GALNT17: variants seen among roughly 807,000 people sequenced by gnomAD.
GALNT17 encodes the protein UDP-GalNAc:polypeptide N-acetylgalactosaminyltransferase-like 3.
In GALNT17, 29 loss-of-function variants were observed where a neutral mutation model predicts 63.7. That is an observed-to-expected ratio of 0.46 (90% confidence interval 0.34 to 0.62). The LOEUF is 0.62. GALNT17 is among the 20% of genes least tolerant of loss of function. The pLI is 0.01. For synonymous variants in GALNT17, 305 were observed against 318.3 expected (o/e 0.96, Z 0.45); for missense variants, 603 against 799.6 (o/e 0.75, Z 2.97).
intron 1 of GALNT17, among the ~76,000 whole-genome samples, chr7:71,267,262 G>A (rs531595633): frequency 4.6e-5 from 7 of 152,190 alleles, no homozygotes; most frequent in African/African-American, 1.2e-4. Flanking sequence ...TGCGAGCTGC[G>A]CAATTGGCTA....
chr7:71,655,474 C>T (rs1457293893), intron 6 of GALNT17, among the ~76,000 whole-genome samples: 1 of 152,182 alleles, frequency 6.6e-6, no homozygotes, highest in Non-Finnish European at 1.5e-5. Context: ...GGGTAGGCAG[C>T]CTCTGCGGTC....
intron 5 of GALNT17, among the ~76,000 whole-genome samples, chr7:71,554,720 C>T (rs1009906232): frequency 6.6e-6 from 1 of 152,148 alleles, no homozygotes; most frequent in Non-Finnish European, 1.5e-5. Flanking sequence ...CATCCTCAAA[C>T]CCATTTGCAG....
At chr7:71,307,064 T>G (rs1791316218) in intron 1 of GALNT17, among the ~76,000 whole-genome samples, 1 of 152,132 alleles carries the variant, frequency 6.6e-6, no homozygotes, top group East Asian at 1.9e-4. Context: ...CCTCAAGTGA[T>G]CTGCCCACCT....
At chr7:71,692,524 C>G (rs1391544707) in intron 9 of GALNT17, among the ~76,000 whole-genome samples, 2 of 152,064 alleles carry the variant, frequency 1.3e-5, no homozygotes, top group East Asian at 1.9e-4. Context: ...CGATGCAGAA[C>G]TTCACAGTAG....
chr7:71,574,651 T>C (rs1028309979), intron 6 of GALNT17, among the ~76,000 whole-genome samples: 57 of 152,272 alleles, frequency 3.7e-4, no homozygotes, highest in African/African-American at 1.3e-3. Context: ...GGTTCTCATG[T>C]TTCCAGTCAG....
At chr7:71,339,471 G>A (rs546090645) in intron 2 of GALNT17, among the ~76,000 whole-genome samples, 4 of 152,306 alleles carry the variant, frequency 2.6e-5, no homozygotes, top group African/African-American at 9.6e-5. Flanking sequence ...CGGATCACCT[G>A]AGGTCGGGAG....
In GALNT17 at chr7:71,603,624, G is replaced by A. The variant is rs187917086; in HGVS notation, c.1080+32222G>A. ...GCATACACCAGGTACTATGCTAAGT[G>A]CATACACTGGATACTGCTAAGTGCA... On this transcript the variant is annotated intron_variant, in intron 6 of 10. Transcript: ENST00000333538. 7.9e-5 allele frequency among the ~76,000 whole-genome samples: 12 copies of A among 151,934 alleles called. No homozygotes were observed. In the East Asian group the frequency reaches 2.1e-3, roughly 27 times the overall value.
intron 1 of GALNT17, among the ~76,000 whole-genome samples, chr7:71,178,564 C>G (rs1324174001): frequency 2.6e-5 from 4 of 152,120 alleles, no homozygotes; most frequent in African/African-American, 9.7e-5. Context: ...CTGGGAGGCT[C>G]TGTTCTATTT....
At chr7:71,364,155 C>A (rs916405625) in intron 2 of GALNT17, among the ~76,000 whole-genome samples, 5 of 152,102 alleles carry the variant, frequency 3.3e-5, no homozygotes, top group Non-Finnish European at 5.9e-5. Flanking sequence ...CCCTCACCTC[C>A]CCTCCCACTT....
intron 6 of GALNT17, among the ~76,000 whole-genome samples, chr7:71,585,800 C>G (rs1490377897): frequency 6.6e-6 from 1 of 152,126 alleles, no homozygotes. Context: ...CCTATAATCA[C>G]CTCTGAAAAC....
Position 71,564,278 on chromosome 7 carries a change from C to CTTTTTTTTTT in GALNT17, c.963-6992_963-6983dup, listed in dbSNP as rs10539122. The stretch of plus-strand genomic sequence containing the variant: ...TCTTTCTTTTTTTTTCTTTTCTTTT[C>CTTTTTTTTTT]TTTTTTTTTTTTTTTTTTTTTTTTG... On this transcript the variant is annotated intron_variant, in intron 5 of 10. Coordinates refer to ENST00000333538, the MANE Select transcript of GALNT17 (RefSeq NM_022479.3). Among the ~76,000 whole-genome samples the CTTTTTTTTTT allele has an allele frequency of 2.0e-3, 192 of 98,008 alleles. 1 individual carries two copies. Among genetic ancestry groups the CTTTTTTTTTT allele is most frequent in the East Asian group, 7.4e-3 (22 of 2,964 alleles). 64.3% of individuals were successfully genotyped at this position (98,008 alleles called of 152,430 possible). A position where few individuals can be genotyped will look rare whatever the true frequency, so the allele number is the denominator to read the frequency against.
At chr7:71,430,570 A>G (rs897495626) in intron 5 of GALNT17, among the ~76,000 whole-genome samples, 2 of 152,230 alleles carry the variant, frequency 1.3e-5, no homozygotes, top group Non-Finnish European at 2.9e-5. Flanking sequence ...AGGTGGTCCT[A>G]TAATTAGTGA....
At chr7:71,546,722 TATGAAGTTC>T (rs1788991580) in intron 5 of GALNT17, among the ~76,000 whole-genome samples, 1 of 152,188 alleles carries the variant, frequency 6.6e-6, no homozygotes, top group Admixed American at 6.5e-5. Flanking sequence ...CCTACATATA[TATGAAGTTC>T]ATGGCCTTGG....
At chr7:71,363,718 C>T (rs1358499228) in intron 2 of GALNT17, among the ~76,000 whole-genome samples, 2 of 152,172 alleles carry the variant, frequency 1.3e-5, no homozygotes, top group Admixed American at 6.5e-5. Context: ...AAGAAGGATT[C>T]GCAGATCGGA....
At chr7:71,228,663 A>G (rs1168995750) in intron 1 of GALNT17, among the ~76,000 whole-genome samples, 2 of 152,042 alleles carry the variant, frequency 1.3e-5, no homozygotes, top group Non-Finnish European at 2.9e-5. Context: ...GCATCTTCCA[A>G]TCTTTCTATG....
At chr7:71,492,052 TG>T (rs112095752) in intron 5 of GALNT17, among the ~76,000 whole-genome samples, 2,009 of 152,158 alleles carry the variant, frequency 0.013, 38 homozygotes, top group African/African-American at 0.046. Flanking sequence ...GAGGCCAAGG[TG>T]GGCAGATCAT....
chr7:71,156,008 C>T (rs1788228353), intron 1 of GALNT17, among the ~76,000 whole-genome samples: 1 of 151,692 alleles, frequency 6.6e-6, no homozygotes, highest in Non-Finnish European at 1.5e-5. Context: ...ACCAGCTTGT[C>T]CAACATGGAG....
chr7:71,451,942 G>A (rs1403603633), intron 5 of GALNT17, among the ~76,000 whole-genome samples: 2 of 151,916 alleles, frequency 1.3e-5, no homozygotes, highest in East Asian at 1.9e-4. Context: ...GGGCACAGTG[G>A]CTCATGCCTG....
At chr7:71,342,720 A>G (rs1186678918) in intron 2 of GALNT17, among the ~76,000 whole-genome samples, 1 of 152,188 alleles carries the variant, frequency 6.6e-6, no homozygotes, top group Non-Finnish European at 1.5e-5. Flanking sequence ...GTTTGTAAGA[A>G]AACTAAATCT....
Sources: gnomAD v4.1 joint callset for allele counts (sites outside exome capture counted in the v4.1 genomes callset) on GRCh38, gnomAD v4.1.1 for gene constraint, MANE v1.5 for transcripts, NCBI Gene and HGNC (gene_info 2026-07-23, HGNC 2026-07-21) for gene names.